The following TNR variants were observed in gnomAD, a reference collection of about 807,000 sequenced individuals.
TNR encodes tenascin R.
TNR carries 45 observed loss-of-function variants against 150.4 expected under a neutral mutation model. The ratio of observed to expected loss-of-function variants is 0.30; its 90% CI spans 0.24 to 0.38. The LOEUF (loss-of-function observed/expected upper bound fraction) is 0.38. Ranked by LOEUF, TNR falls within the 10% of genes least tolerant of loss-of-function variation. The probability of loss-of-function intolerance (pLI) is 1.00; values close to 1 mark genes in which losing one functional copy is unlikely to be tolerated. For synonymous variants in TNR, 687 were observed against 678.4 expected, an observed-to-expected ratio of 1.01 and a Z score of -0.20; for missense variants, 1,544 against 1,759.1, an observed-to-expected ratio of 0.88 and a Z score of 2.19.
At chr1:175,619,398 A>G (rs972350946) in intron 1 of TNR, among the ~76,000 whole-genome samples, 1 of 152,226 alleles carries the variant, frequency 6.6e-6, no homozygotes, top group African/African-American at 2.4e-5. Context: ...CAGGAGGTAC[A>G]TTATGGAACC....
chr1:175,579,165 T>TTCCTTCCTTCC (rs1662239786), intron 1 of TNR, among the ~76,000 whole-genome samples: 1 of 134,380 alleles, frequency 7.4e-6, no homozygotes, highest in African/African-American at 2.8e-5. Context: ...TCGTTCCTTC[T>TTCCTTCCTTCC]TTCCTTCCTT....
chr1:175,505,442 C>T (rs1049147725), intron 2 of TNR, among the ~76,000 whole-genome samples: 2 of 152,328 alleles, frequency 1.3e-5, no homozygotes, highest in Admixed American at 6.5e-5. Context: ...TCCCCGGGGA[C>T]GCAGGGGCTT....
At chr1:175,563,028 T>C (rs1218025910) in intron 1 of TNR, among the ~76,000 whole-genome samples, 1 of 152,208 alleles carries the variant, frequency 6.6e-6, no homozygotes, top group Non-Finnish European at 1.5e-5. Context: ...CATAACCCCA[T>C]GCAGAGTCAG....
At chr1:175,419,089 G>C (rs1487851225) in intron 2 of TNR, among the ~76,000 whole-genome samples, 1 of 152,104 alleles carries the variant, frequency 6.6e-6, no homozygotes, top group African/African-American at 2.4e-5. Context: ...CATTACTTTG[G>C]AGAATGGTTC....
intron 1 of TNR, among the ~76,000 whole-genome samples, chr1:175,632,076 C>A (rs549548733): frequency 1.4e-4 from 22 of 152,300 alleles, no homozygotes; most frequent in South Asian, 4.1e-4. Context: ...GGAGAAGGAA[C>A]CTTAGCTCTG....
At chr1:175,593,802 T>A (rs184832328) in intron 1 of TNR, among the ~76,000 whole-genome samples, 1 of 152,176 alleles carries the variant, frequency 6.6e-6, no homozygotes. Flanking sequence ...GTTTTCTCCA[T>A]GATAGAGAAA....
chr1:175,435,047 TAAGGAC>T (rs894111133), intron 2 of TNR, among the ~76,000 whole-genome samples: 2 of 152,238 alleles, frequency 1.3e-5, no homozygotes, highest in African/African-American at 2.4e-5. Flanking sequence ...GTGAGCTCCT[TAAGGAC>T]AAGGACTTAA....
intron 2 of TNR, among the ~76,000 whole-genome samples, chr1:175,524,693 T>A (rs747038669): frequency 1.3e-5 from 2 of 152,164 alleles, no homozygotes; most frequent in Non-Finnish European, 2.9e-5. Flanking sequence ...AAGCTCTTTA[T>A]AGCTCCAGGC....
At chr1:175,729,668 T>C (rs1030339901) in intron 1 of TNR, among the ~76,000 whole-genome samples, 2 of 152,178 alleles carry the variant, frequency 1.3e-5, no homozygotes, top group Non-Finnish European at 2.9e-5. Context: ...CTAAACAATC[T>C]TGCCTTTAAT....
At chr1:175,375,213 G>A (rs1187753345) in intron 9 of TNR, among the ~76,000 whole-genome samples, 2 of 150,528 alleles carry the variant, frequency 1.3e-5, no homozygotes, top group Non-Finnish European at 2.9e-5. Context: ...AAGCAGAATG[G>A]TATTGTACCC....
At chr1:175,465,159 T>C (rs1317760267) in intron 2 of TNR, among the ~76,000 whole-genome samples, 1 of 152,196 alleles carries the variant, frequency 6.6e-6, no homozygotes, top group East Asian at 1.9e-4. Context: ...ACACAGCTGT[T>C]AAAAAGCTCG....
At chr1:175,540,649 CCTTTACCAT>C (rs1660465654) in intron 1 of TNR, among the ~76,000 whole-genome samples, 1 of 151,934 alleles carries the variant, frequency 6.6e-6, no homozygotes, top group Admixed American at 6.6e-5. Context: ...CACTTTTTTT[CCTTTACCAT>C]CCTTTCTGCC....
rs61805152 is a variant in TNR, at chr1:175,571,705, C to A, written c.-164-43336G>T. 5.9e-3 allele frequency among the ~76,000 whole-genome samples: 906 copies of A among 152,290 alleles called. 12 individuals are homozygous for A. Among genetic ancestry groups the A allele is most frequent in the South Asian group, 0.036 (175 of 4,826 alleles). On this transcript the variant is annotated intron_variant, in intron 1 of 22. Transcript: ENST00000367674. Reference sequence around the variant, plus strand: ...TGCTGTCACCCCACTAACCTCCAGGCGTGAATTCATCCAACTACCTGCATG... The same window carrying A: ...TGCTGTCACCCCACTAACCTCCAGGAGTGAATTCATCCAACTACCTGCATG...
chr1:175,353,581 C>T (rs1651166391), intron 18 of TNR, among the ~76,000 whole-genome samples: 1 of 152,148 alleles, frequency 6.6e-6, no homozygotes, highest in Non-Finnish European at 1.5e-5. Context: ...TTTCTGTGCC[C>T]CTTGGTTTCA....
At chr1:175,563,767 G>A (rs1333892677) in intron 1 of TNR, among the ~76,000 whole-genome samples, 1 of 152,184 alleles carries the variant, frequency 6.6e-6, no homozygotes, top group African/African-American at 2.4e-5. Flanking sequence ...GTGAGTGCTG[G>A]TATTGTCCTC....
chr1:175,633,390 G>GA lies in TNR; in HGVS notation c.-164-105022dup, dbSNP rs368681021. On this transcript the variant is annotated intron_variant, in intron 1 of 22. Coordinates refer to ENST00000367674, the MANE Select transcript of TNR (RefSeq NM_003285.3). ...GCCTATGTGTCAAATTACAAGGAAAGAAAAAAAAATAAAGATCAGAGGATT... is the reference window on the plus strand; with the variant it reads ...GCCTATGTGTCAAATTACAAGGAAAGAAAAAAAAAATAAAGATCAGAGGATT... 2.9e-4 allele frequency among the ~76,000 whole-genome samples: 43 copies of GA among 149,544 alleles called. 1 individual carries two copies. The highest frequency in any genetic ancestry group is 6.3e-4 in the South Asian group (3 of 4,746).
chr1:175,385,349 A>G (rs1289719862), intron 8 of TNR, among the ~76,000 whole-genome samples: 1 of 152,130 alleles, frequency 6.6e-6, no homozygotes, highest in East Asian at 1.9e-4. Context: ...GGCCTTTCCC[A>G]ACTGTTGGCA....
At chr1:175,648,005 A>G (rs1558053197) in intron 1 of TNR, among the ~76,000 whole-genome samples, 1 of 151,990 alleles carries the variant, frequency 6.6e-6, no homozygotes, top group African/African-American at 2.4e-5. Flanking sequence ...GCTTGAGGCA[A>G]AATTCCAGCC....
At chr1:175,508,725 T>C (rs1659051750) in intron 2 of TNR, among the ~76,000 whole-genome samples, 1 of 152,212 alleles carries the variant, frequency 6.6e-6, no homozygotes, top group African/African-American at 2.4e-5. Flanking sequence ...AGCTTGATTG[T>C]AACCTCACAA....
Sources: gnomAD v4.1 joint callset for allele counts (sites outside exome capture counted in the v4.1 genomes callset) on GRCh38, gnomAD v4.1.1 for gene constraint, MANE v1.5 for transcripts, NCBI Gene and HGNC (gene_info 2026-07-23, HGNC 2026-07-21) for gene names.